Variants in MKRN2 observed in about 807,000 individuals in gnomAD.
MKRN2 encodes the protein E3 ubiquitin-protein ligase makorin-2.
A neutral mutation model predicts 45.4 loss-of-function variants in MKRN2; 32 were observed. The ratio of observed to expected loss-of-function variants is 0.70; its 90% CI spans 0.53 to 0.95. The LOEUF (loss-of-function observed/expected upper bound fraction) is 0.95, where lower values mean the gene tolerates loss of function less well. MKRN2 is among the 40% of genes least tolerant of loss of function. The pLI, the probability that MKRN2 is intolerant of heterozygous loss-of-function variation, is 0.00. For missense variants in MKRN2, 526 were observed against 536.7 expected (o/e 0.98, Z 0.20); for synonymous variants, 206 against 192.4 (o/e 1.07, Z -0.59).
intron 6 of MKRN2, among the ~76,000 whole-genome samples, chr3:12,578,873 T>G (rs1038337513): frequency 7.1e-6 from 1 of 141,346 alleles, no homozygotes; most frequent in Non-Finnish European, 1.5e-5. Flanking sequence ...TTTTTTTTTT[T>G]TTTTTTTACC....
At chr3:12,575,377 A>G (rs2058126183) in intron 5 of MKRN2, among the ~76,000 whole-genome samples, 1 of 152,192 alleles carries the variant, frequency 6.6e-6, no homozygotes, top group South Asian at 2.1e-4. Flanking sequence ...CCCCCCACCA[A>G]AAACGAAAAT....
chr3:12,566,789 G>A (rs1313741553), intron 1 of MKRN2, among the ~76,000 whole-genome samples: 1 of 152,126 alleles, frequency 6.6e-6, no homozygotes, highest in Non-Finnish European at 1.5e-5. Flanking sequence ...TTTTAATAGA[G>A]ATGGTGTTTC....
In MKRN2 at chr3:12,583,630, AATAAC is replaced by A. The variant is rs1263092916; in HGVS notation, c.*1382_*1386del. The A allele has an allele frequency of 1.3e-5, 3 of 232,484 alleles. No individual in the cohort carries two copies. The highest frequency in any genetic ancestry group is 5.6e-5 in the Admixed American group (1 of 17,756). The allele number at this position is 232,484 out of a possible 1,614,324, so 14.4% of individuals were successfully genotyped here. On this transcript the variant is annotated 3_prime_UTR_variant, in exon 8 of 8. Coordinates refer to ENST00000170447, the MANE Select transcript of MKRN2 (RefSeq NM_014160.5). ...ACCTAAATTTAATTTATTTTATTAAAATAACATAATTGAGGGACCATCAGATAACT... is the reference window on the plus strand; with the variant it reads ...ACCTAAATTTAATTTATTTTATTAAAATAATTGAGGGACCATCAGATAACT...
intron 4 of MKRN2, among the ~76,000 whole-genome samples, chr3:12,574,382 T>G (rs2058118164): frequency 6.6e-6 from 1 of 152,344 alleles, no homozygotes; most frequent in South Asian, 2.1e-4. Flanking sequence ...GCTGCCAGCC[T>G]CAAGCCTCAT....
At chr3:12,573,855 C>A (rs1049788891) in intron 4 of MKRN2, among the ~76,000 whole-genome samples, 1 of 151,064 alleles carries the variant, frequency 6.6e-6, no homozygotes, top group Non-Finnish European at 1.5e-5. Flanking sequence ...ATTGCACCAC[C>A]GCACTCCAGC....
chr3:12,583,700 AATC>A lies in MKRN2; in HGVS notation c.*1452_*1454del. 8.6e-6 allele frequency: 2 copies of A among 233,518 alleles called. No homozygotes were observed. Among genetic ancestry groups the A allele is most frequent in the East Asian group, 1.2e-4 (2 of 16,594 alleles). The allele number at this position is 233,518 out of a possible 1,614,324, so 14.5% of individuals were successfully genotyped here. A position where few individuals can be genotyped will look rare whatever the true frequency, so the allele number is the denominator to read the frequency against. The stretch of plus-strand genomic sequence containing the variant: ...GCAATAAAAACAAAATTAAAACCCA[AATC>A]ATCAAGAAAACCTGTATTCCTGGCT... On this transcript the variant is annotated 3_prime_UTR_variant, in exon 8 of 8. Transcript: ENST00000170447.
Position 12,582,308 on chromosome 3 carries a change from C to A in MKRN2, c.*55C>A, listed in dbSNP as rs921173618. On this transcript the variant is annotated 3_prime_UTR_variant, in exon 8 of 8. Coordinates refer to ENST00000170447, the MANE Select transcript of MKRN2 (RefSeq NM_014160.5). The stretch of plus-strand genomic sequence containing the variant: ...TCCATCGGCCGAAACTTTCCCAAGC[C>A]AGGGTGTGCGGAGCTTCCCTGTACT... 2.6e-5 allele frequency: 41 copies of A among 1,606,948 alleles called. No individual in the cohort carries two copies. Among genetic ancestry groups the A allele is most frequent in the Non-Finnish European group, 3.4e-5 (40 of 1,174,930 alleles).
chr3:12,579,464 G>A (rs775987269), intron 6 of MKRN2, among the ~76,000 whole-genome samples: 3 of 152,158 alleles, frequency 2.0e-5, no homozygotes, highest in Admixed American at 6.5e-5. Context: ...ACTGTGCCCC[G>A]CCAAGTAAGA....
At chr3:12,560,051 C>T (rs2058023462) in intron 1 of MKRN2, among the ~76,000 whole-genome samples, 1 of 152,148 alleles carries the variant, frequency 6.6e-6, no homozygotes, top group African/African-American at 2.4e-5. Context: ...ACCACCTGTG[C>T]AACAACTGCC....
intron 6 of MKRN2, among the ~76,000 whole-genome samples, chr3:12,581,559 G>C (rs1336653992): frequency 6.6e-6 from 1 of 152,186 alleles, no homozygotes; most frequent in South Asian, 2.1e-4. Context: ...CAAGTCCCCA[G>C]GCAGGTTAAT....
At position 12,582,097 on chromosome 3, in the gene MKRN2, C is replaced by T; in HGVS notation, c.1114-19C>T. 6.2e-6 allele frequency: 10 copies of T among 1,614,162 alleles called. No individual in the cohort carries two copies. Among genetic ancestry groups the T allele is most frequent in the Non-Finnish European group, 8.5e-6 (10 of 1,180,014 alleles). On this transcript the variant is annotated intron_variant, in intron 7 of 7. Transcript: ENST00000170447. ...TGCTCTTAGCAGTAACCAGGCATGT[C>T]CACTGGCTGTTTTTGCAGTTCTTTA... is the stretch of plus-strand genomic sequence containing the variant.
chr3:12,569,319 A>ATTTT (rs5846777), intron 2 of MKRN2, among the ~76,000 whole-genome samples: 1 of 141,164 alleles, frequency 7.1e-6, no homozygotes, highest in African/African-American at 2.6e-5. Context: ...CGCCTGGCTG[A>ATTTT]TTTTTTTTTT....
rs926273059 is a variant in MKRN2 at position 12,573,764 on chromosome 3, G to A, written c.643-1028G>A. ...AAAAGTTAACTGGGTGTGGTGGCGG[G>A]CGCCTGTAGTCCCAGCTACTTGGGA... On this transcript the variant is annotated intron_variant, in intron 4 of 7. Transcript: ENST00000170447. Among the ~76,000 whole-genome samples, 5 of 151,820 alleles carry A rather than the reference G, an allele frequency of 3.3e-5. 1 individual carries two copies. Among genetic ancestry groups the A allele is most frequent in the African/African-American group, 2.4e-5 (1 of 41,374 alleles).
chr3:12,574,368 CT>C (rs1165495806), intron 4 of MKRN2, among the ~76,000 whole-genome samples: 2 of 152,214 alleles, frequency 1.3e-5, no homozygotes, highest in Non-Finnish European at 2.9e-5. Flanking sequence ...TTACATAGGA[CT>C]AGGCTGCCAG....
At chr3:12,573,282 T>C (rs2058110916) in intron 4 of MKRN2, among the ~76,000 whole-genome samples, 1 of 151,740 alleles carries the variant, frequency 6.6e-6, no homozygotes, top group South Asian at 2.1e-4. Context: ...CCCAGCACTT[T>C]GGCAGGCCAA....
chr3:12,571,581 G>A (rs974977628), intron 3 of MKRN2, among the ~76,000 whole-genome samples: 3 of 152,320 alleles, frequency 2.0e-5, no homozygotes, highest in South Asian at 2.1e-4. Flanking sequence ...AGCTCCTGGC[G>A]TGAGAAGGGG....
intron 2 of MKRN2, among the ~76,000 whole-genome samples, chr3:12,569,310 G>A (rs58714926): frequency 0.012 from 1,689 of 140,986 alleles, 24 homozygotes; most frequent in African/African-American, 0.045. Context: ...CTGCCACTAC[G>A]CCTGGCTGAT....
chr3:12,572,609 G>A (rs1312542121), intron 4 of MKRN2, among the ~76,000 whole-genome samples: 1 of 142,372 alleles, frequency 7.0e-6, no homozygotes, highest in Non-Finnish European at 1.5e-5. Context: ...TTTTTTTAAT[G>A]GAGTCTCCCT....
At position 12,560,705 on chromosome 3, in the gene MKRN2, T is replaced by C. The variant is rs955634282; in HGVS notation, c.26+3529T>C. 2 of 152,374 alleles carry C rather than the reference T, an allele frequency of 1.3e-5. 1 individual carries two copies. The allele number at this position is 152,374 out of a possible 1,614,324, so 9.4% of individuals were successfully genotyped here. ...AGCCATACTGTCTGAAACAGTCTTTTGGGTTTACCCAGGGTAACACCCCTT... is the reference window on the plus strand; with the variant it reads ...AGCCATACTGTCTGAAACAGTCTTTCGGGTTTACCCAGGGTAACACCCCTT... On this transcript the variant is annotated intron_variant, in intron 1 of 7. Transcript: ENST00000170447.
Sources: gnomAD v4.1 joint callset for allele counts (sites outside exome capture counted in the v4.1 genomes callset) on GRCh38, gnomAD v4.1.1 for gene constraint, MANE v1.5 for transcripts, NCBI Gene and HGNC (gene_info 2026-07-23, HGNC 2026-07-21) for gene names.